RADIL: variants seen among roughly 807,000 people sequenced by gnomAD.
RADIL encodes the protein ras-associating and dilute domain-containing protein.
A neutral mutation model predicts 97.6 loss-of-function variants in RADIL; 99 were observed. The observed-to-expected ratio is 1.01, with a 90% CI of 0.86 to 1.20. RADIL has a LOEUF of 1.20. Among genes scored for constraint, RADIL ranks in the 50% most tolerant of loss-of-function variants. RADIL has a pLI of 0.00. For synonymous variants in RADIL, 803 were observed against 691.8 expected (o/e 1.16, Z -2.52); for missense variants, 1,765 against 1,498.9 (o/e 1.18, Z -2.93).
intron 2 of RADIL, among the ~76,000 whole-genome samples, chr7:4,846,163 C>G (rs2115015573): frequency 6.7e-6 from 1 of 149,950 alleles, no homozygotes; most frequent in Non-Finnish European, 1.5e-5. Context: ...CGGAGTCTCG[C>G]TCTGTCACCA....
chr7:4,870,219 C>T (rs899753229), intron 2 of RADIL, among the ~76,000 whole-genome samples: 1 of 152,206 alleles, frequency 6.6e-6, no homozygotes, highest in African/African-American at 2.4e-5. Context: ...GGAAGGGGCG[C>T]AGGGCGAGCT....
At chr7:4,861,432 G>C in intron 2 of RADIL, 1 of 1,614,124 alleles carries the variant, frequency 6.2e-7, no homozygotes, top group Non-Finnish European at 8.5e-7. Context: ...AAGTCGCTTC[G>C]ATCCACATGA....
rs531619255 is a variant in RADIL at position 4,799,271 on chromosome 7, C to A, written c.*107G>T. Reference sequence around the variant, plus strand: ...TGTCCCCAGGGTGAGGCTCCCCACCCGGGACCCAACTTGGTCAGTTACAAA... The same window carrying A: ...TGTCCCCAGGGTGAGGCTCCCCACCAGGGACCCAACTTGGTCAGTTACAAA... On this transcript the variant is annotated 3_prime_UTR_variant, in exon 15 of 15. Transcript: ENST00000399583. 57 of 1,079,864 alleles carry A rather than the reference C, an allele frequency of 5.3e-5. No homozygotes were observed. The African/African-American group carries it at 8.2e-4, about 16-fold the overall frequency. 66.9% of individuals were successfully genotyped at this position (1,079,864 alleles called of 1,614,324 possible). A position where few individuals can be genotyped will look rare whatever the true frequency, so the allele number is the denominator to read the frequency against.
At position 4,831,951 on chromosome 7, in the gene RADIL, T is replaced by G. The variant is rs141502219; in HGVS notation, c.1454+190A>C. ...CAGTCTTAAGGGTGCCCTGAAGCAA[T>G]TTCCCAAAACTCAGAGCTTCCCAGG... On this transcript the variant is annotated intron_variant, in intron 5 of 14. Transcript: ENST00000399583. Among the ~76,000 whole-genome samples the G allele has an allele frequency of 5.3e-5, 8 of 152,052 alleles. No individual in the cohort carries two copies. In the South Asian group the frequency reaches 1.5e-3, roughly 28 times the overall value.
At chr7:4,860,060 T>G (rs1458129937) in intron 2 of RADIL, 1 of 1,613,912 alleles carries the variant, frequency 6.2e-7, no homozygotes, top group Non-Finnish European at 8.5e-7. Flanking sequence ...CCCTGAACTT[T>G]CATTGGTATT....
chr7:4,879,588 G>C lies in RADIL; in HGVS notation c.-64-1385C>G, dbSNP rs1488809257. Among the ~76,000 whole-genome samples, 1 of 152,166 alleles carries C rather than the reference G, an allele frequency of 6.6e-6. No homozygotes were observed. The highest frequency in any genetic ancestry group is 1.5e-5 in the Non-Finnish European group (1 of 68,026). On this transcript the variant is annotated intron_variant, in intron 1 of 14. Transcript: ENST00000399583. The surrounding 1 kb of genome is among the most constrained non-coding windows in gnomAD (Gnocchi z 4.1). The stretch of plus-strand genomic sequence containing the variant: ...ACGGGTCGCCTGCCACTGCGACCGG[G>C]GTCAGTACTAAACACCGCAGCAGCC...
Position 4,842,028 on chromosome 7 carries a change from C to T in RADIL, c.536-5423G>A, listed in dbSNP as rs555483573. On this transcript the variant is annotated intron_variant, in intron 2 of 14. Transcript: ENST00000399583. The surrounding 1 kb of genome is among the most constrained non-coding windows in gnomAD (Gnocchi z 4.5). ...TACGATCACGCCACCGCACTCCAGC[C>T]TGGGCAACAGAGCAAGACCCTGTCT... 2.7e-5 allele frequency among the ~76,000 whole-genome samples: 4 copies of T among 150,500 alleles called. No homozygotes were observed.
At chr7:4,816,140 C>T in intron 8 of RADIL, 88 bp downstream of exon 8, 1 of 1,307,164 alleles carries the variant, frequency 7.7e-7, no homozygotes, top group Non-Finnish European at 1.1e-6. Context: ...GGCAGAGCCG[C>T]CTCCAGGAGC....
intron 5 of RADIL, among the ~76,000 whole-genome samples, chr7:4,825,051 A>AGGCCTG (rs1425209026): frequency 2.0e-5 from 3 of 152,086 alleles, no homozygotes; most frequent in Admixed American, 1.3e-4. Context: ...CATCCTACCC[A>AGGCCTG]GGCCTGTGTG....
chr7:4,846,200 G>GCTCACTGCAACCTCCGA (rs772767338), intron 2 of RADIL, among the ~76,000 whole-genome samples: 12 of 151,062 alleles, frequency 7.9e-5, no homozygotes, highest in African/African-American at 2.9e-4. Context: ...TGCGATCTTG[G>GCTCACTGCAACCTCCGA]CTCACTGCAA....
rs1416019273 is a variant in RADIL, at chr7:4,813,908, G to A, written c.2139+1370C>T. Among the ~76,000 whole-genome samples, 2 of 152,154 alleles carry A rather than the reference G, an allele frequency of 1.3e-5. No individual in the cohort carries two copies. The highest frequency in any genetic ancestry group is 2.9e-5 in the Non-Finnish European group (2 of 68,026). The stretch of plus-strand genomic sequence containing the variant: ...CCACCAATTCCTGAGCCTCTTGGTG[G>A]CTTCCTGTAAACTGGGTTGCTTCTC... On this transcript the variant is annotated intron_variant, in intron 9 of 14. Transcript: ENST00000399583. This position sits in a 1 kb window ranked among gnomAD's most constrained non-coding sequence, Gnocchi z 5.0.
chr7:4,824,429 T>C lies in RADIL; in HGVS notation c.1455-1875A>G, dbSNP rs1438463490. 6.6e-6 allele frequency among the ~76,000 whole-genome samples: 1 copy of C among 152,222 alleles called. No individual in the cohort carries two copies. The highest frequency in any genetic ancestry group is 1.5e-5 in the Non-Finnish European group (1 of 68,024). ...CCACCAGGACCTTAAGGCAGCCGGT[T>C]TGTGAGGGCATCTGGGAAGGGCTGA... On this transcript the variant is annotated intron_variant, in intron 5 of 14. Transcript: ENST00000399583. The surrounding 1 kb of genome is among the most constrained non-coding windows in gnomAD (Gnocchi z 6.7).
At chr7:4,802,611 T>G (rs1782138769) in intron 11 of RADIL, among the ~76,000 whole-genome samples, 1 of 126,932 alleles carries the variant, frequency 7.9e-6, no homozygotes, top group African/African-American at 2.9e-5. Context: ...CCCGGGTACC[T>G]CGGGGCATGC....
chr7:4,809,769 A>G (rs1294830499), intron 9 of RADIL, among the ~76,000 whole-genome samples: 4 of 151,428 alleles, frequency 2.6e-5, no homozygotes, highest in Admixed American at 1.3e-4. Context: ...TGCAACCTCC[A>G]TCTCCCGAGT....
At chr7:4,833,326 G>A (rs918581035) in intron 4 of RADIL, among the ~76,000 whole-genome samples, 11 of 152,194 alleles carry the variant, frequency 7.2e-5, no homozygotes, top group African/African-American at 2.2e-4. Flanking sequence ...GACAATGATC[G>A]TGCGAAAACC....
chr7:4,815,326 G>C lies in RADIL; in HGVS notation c.2091C>G (p.Leu697=), dbSNP rs1045655367. 2 of 1,559,260 alleles carry C rather than the reference G, an allele frequency of 1.3e-6. No individual in the cohort carries two copies. Among genetic ancestry groups the C allele is most frequent in the African/African-American group, 2.7e-5 (2 of 73,758 alleles). ...TGGCCAGCAGGTTGAGGGTGCAGGA[G>C]AGCTTCTGGAAGAAGTGCTCTCCAG... ...GAAGEHFFQK[L]SCTLNLLATP... Residue 697 remains leucine, a synonymous_variant, in exon 9 of 15, where the codon CTC becomes CTG. Transcript: ENST00000399583. The surrounding 1 kb of genome is among the most constrained non-coding windows in gnomAD (Gnocchi z 8.0).
intron 2 of RADIL, among the ~76,000 whole-genome samples, chr7:4,863,762 G>A (rs796325188): frequency 3.3e-5 from 5 of 152,286 alleles, no homozygotes; most frequent in African/African-American, 9.6e-5. Context: ...CACCCTTTGA[G>A]GATTCCAATT....
rs546466464 is a variant in RADIL at position 4,818,500 on chromosome 7, T to A, written c.1616-1149A>T. Among the ~76,000 whole-genome samples, 329 of 152,080 alleles carry A rather than the reference T, an allele frequency of 2.2e-3. 1 individual carries two copies. The highest frequency in any genetic ancestry group is 7.7e-3 in the African/African-American group (319 of 41,494). On this transcript the variant is annotated intron_variant, in intron 6 of 14. Coordinates refer to ENST00000399583, the MANE Select transcript of RADIL (RefSeq NM_018059.5). The surrounding 1 kb of genome is among the most constrained non-coding windows in gnomAD (Gnocchi z 7.1). ...GCCCCCCAGTGCCTGCCCCACAGGG[T>A]CACATCTGGGAACCAGGCAGGGCAG... is the stretch of plus-strand genomic sequence containing the variant.
At chr7:4,803,087 G>A (rs13245230) in intron 11 of RADIL, among the ~76,000 whole-genome samples, 3 of 61,306 alleles carry the variant, frequency 4.9e-5, no homozygotes, top group Admixed American at 1.3e-4. Flanking sequence ...TCCCCTCCCC[G>A]GGCACCTCGG....
Sources: allele counts gnomAD v4.1 joint callset (sites outside exome capture counted in the v4.1 genomes callset), GRCh38; gene constraint gnomAD v4.1.1; non-coding constraint Gnocchi (gnomAD v3.1); transcripts MANE v1.5; gene names NCBI Gene and HGNC (gene_info 2026-07-23, HGNC 2026-07-21).